The following CPS1 variants were observed in gnomAD, a reference collection of about 807,000 sequenced individuals.
The protein encoded by CPS1 is carbamoyl-phosphate synthase 1.
Under a neutral mutation model 174.6 loss-of-function variants are expected in CPS1, and 109 were observed. The observed-to-expected ratio is 0.62, with a 90% CI of 0.53 to 0.73. CPS1 has a LOEUF of 0.73. Among genes scored for constraint, CPS1 ranks in the 30% least tolerant of loss-of-function variants. The pLI, the probability that CPS1 is intolerant of heterozygous loss-of-function variation, is 0.00. For synonymous variants in CPS1, 637 were observed against 632.0 expected, an observed-to-expected ratio of 1.01 and a Z score of -0.12; for missense variants, 1,689 against 1,821.9, an observed-to-expected ratio of 0.93 and a Z score of 1.33.
Position 210,599,564 on chromosome 2 carries a change from G to A in CPS1, c.1549+3G>A. On this transcript the variant is annotated splice_donor_region_variant and intron_variant, in intron 14 of 37. Coordinates refer to ENST00000233072, the MANE Select transcript of CPS1 (RefSeq NM_001875.5). ...TGGCCAGACAGCTCTGAACTGTGGTGAGTTCTTATAAGCTTAATTGCAGAG... is the reference window on the plus strand; with the variant it reads ...TGGCCAGACAGCTCTGAACTGTGGTAAGTTCTTATAAGCTTAATTGCAGAG... The A allele has an allele frequency of 6.2e-7, 1 of 1,612,146 alleles. No homozygotes were observed. Among genetic ancestry groups the A allele is most frequent in the African/African-American group, 1.3e-5 (1 of 74,882 alleles).
chr2:210,666,648 G>A (rs1372163184), intron 33 of CPS1, among the ~76,000 whole-genome samples: 38 of 152,002 alleles, frequency 2.5e-4, no homozygotes, highest in African/African-American at 3.1e-4. Context: ...GATATGCGGC[G>A]TTATTTCTGA....
intron 21 of CPS1, among the ~76,000 whole-genome samples, chr2:210,628,201 G>T (rs1267464788): frequency 2.6e-5 from 4 of 152,130 alleles, no homozygotes; most frequent in African/African-American, 9.7e-5. Context: ...CTGATAAACT[G>T]ACAAGTATAC....
At chr2:210,612,021 T>C (rs1271583970) in intron 19 of CPS1, 96 bp from the exon 20 acceptor site, 1 of 1,182,032 alleles carries the variant, frequency 8.5e-7, no homozygotes, top group African/African-American at 1.6e-5. Context: ...TTTGTTCTTA[T>C]TTGTTTTATA....
chr2:210,652,979 A>C (rs544035353), intron 28 of CPS1, among the ~76,000 whole-genome samples: 2 of 152,340 alleles, frequency 1.3e-5, no homozygotes, highest in Non-Finnish European at 2.9e-5. Flanking sequence ...TACCAAAGGA[A>C]GAAAGTGTTT....
At chr2:210,518,861 C>T (rs983197523) in intron 1 of CPS1, among the ~76,000 whole-genome samples, 1 of 151,902 alleles carries the variant, frequency 6.6e-6, no homozygotes, top group Non-Finnish European at 1.5e-5. Flanking sequence ...ACCTGCAGGC[C>T]CTTTAAATCT....
chr2:210,569,463 T>A (rs1697409196), intron 1 of CPS1, among the ~76,000 whole-genome samples: 2 of 152,084 alleles, frequency 1.3e-5, no homozygotes, highest in African/African-American at 4.8e-5. Context: ...AATTCTTTGG[T>A]TAAAGCTTAA....
chr2:210,555,849 T>C (rs1485051555), upstream of CPS1, among the ~76,000 whole-genome samples: 1 of 152,036 alleles, frequency 6.6e-6, no homozygotes, highest in Non-Finnish European at 1.5e-5. Flanking sequence ...GAAATATGAA[T>C]GCTGAAGTTT....
chr2:210,590,043 C>G, intron 7 of CPS1, 63 bp from the exon 8 acceptor site: 1 of 1,603,028 alleles, frequency 6.2e-7, no homozygotes. Context: ...GAAAGTCTAG[C>G]AAAATTATAC....
At chr2:210,592,979 A>T in intron 11 of CPS1, 23 bp downstream of exon 11, 2 of 1,592,144 alleles carry the variant, frequency 1.3e-6, no homozygotes, top group Middle Eastern at 1.7e-4. Context: ...GATGAGGCCT[A>T]TTATGTATGC....
intron 21 of CPS1, among the ~76,000 whole-genome samples, chr2:210,627,870 T>C (rs1427610374): frequency 1.3e-5 from 2 of 152,190 alleles, no homozygotes; most frequent in African/African-American, 4.8e-5. Flanking sequence ...TTCTCCTCCC[T>C]GTTGGTCTGG....
chr2:210,593,688 G>A (rs2106114668), intron 11 of CPS1: 1 of 980,382 alleles, frequency 1.0e-6, no homozygotes, highest in African/African-American at 1.7e-5. Context: ...AAATGGGGAA[G>A]AGAATAAGAG....
At chr2:210,667,784 T>C (rs1019503815) in intron 33 of CPS1, among the ~76,000 whole-genome samples, 2 of 152,208 alleles carry the variant, frequency 1.3e-5, no homozygotes, top group Non-Finnish European at 2.9e-5. Flanking sequence ...TGACACATAC[T>C]GTTATTTAAA....
chr2:210,508,170 C>T (rs1319264932), intron 1 of CPS1, among the ~76,000 whole-genome samples: 2 of 149,970 alleles, frequency 1.3e-5, no homozygotes, highest in African/African-American at 4.9e-5. Flanking sequence ...GAAATTATAA[C>T]AAACTGTCTC....
At chr2:210,620,755 G>T (rs1424749933) in intron 21 of CPS1, among the ~76,000 whole-genome samples, 2 of 152,022 alleles carry the variant, frequency 1.3e-5, no homozygotes, top group East Asian at 1.9e-4. Flanking sequence ...CAGGGGGTTG[G>T]TGCTACATCA....
intron 1 of CPS1, among the ~76,000 whole-genome samples, chr2:210,539,704 CT>C: frequency 6.6e-6 from 1 of 152,288 alleles, no homozygotes; most frequent in East Asian, 1.9e-4. Context: ...CTGAGCTGGT[CT>C]GCTCTCTGTG....
At chr2:210,550,705 T>G (rs1480833426) in intron 1 of CPS1, among the ~76,000 whole-genome samples, 1 of 151,928 alleles carries the variant, frequency 6.6e-6, no homozygotes, top group Non-Finnish European at 1.5e-5. Flanking sequence ...GTGTACATAT[T>G]TATATATCTC....
At chr2:210,616,688 A>G (rs1185251901) in intron 21 of CPS1, 147 bp downstream of exon 21, 6 of 665,468 alleles carry the variant, frequency 9.0e-6, no homozygotes, top group Non-Finnish European at 1.3e-5. Flanking sequence ...TAGCCAGAAG[A>G]CAAATGGCAG....
chr2:210,663,245 A>G, intron 33 of CPS1, 48 bp downstream of exon 33: 1 of 1,537,946 alleles, frequency 6.5e-7, no homozygotes. Flanking sequence ...CTACTTTGAA[A>G]TCTATGGTTT....
At chr2:210,571,120 T>C (rs1265314754) in intron 1 of CPS1, among the ~76,000 whole-genome samples, 1 of 151,960 alleles carries the variant, frequency 6.6e-6, no homozygotes, top group African/African-American at 2.4e-5. Flanking sequence ...TCCATAGAAG[T>C]CTGGTTTCAC....
Sources: allele counts gnomAD v4.1 joint callset (sites outside exome capture counted in the v4.1 genomes callset), GRCh38; gene constraint gnomAD v4.1.1; transcripts MANE v1.5; gene names NCBI Gene and HGNC (gene_info 2026-07-23, HGNC 2026-07-21).